Variants in LONP2 observed in about 807,000 individuals in gnomAD.
LONP2 encodes lon peptidase 2, peroxisomal.
A neutral mutation model predicts 85.6 loss-of-function variants in LONP2; 60 were observed. That is an observed-to-expected ratio of 0.70 (90% CI 0.57 to 0.87). LONP2 has a LOEUF of 0.87. Among genes scored for constraint, LONP2 ranks in the 40% least tolerant of loss-of-function variants. The probability of loss-of-function intolerance (pLI) is 0.00; values close to 1 mark genes in which losing one functional copy is unlikely to be tolerated. For missense variants in LONP2, 860 were observed against 1,063.5 expected (o/e 0.81, Z 2.66); for synonymous variants, 395 against 389.7 (o/e 1.01, Z -0.16).
chr16:48,252,927 C>T (rs1971684608), intron 2 of LONP2, among the ~76,000 whole-genome samples: 1 of 152,028 alleles, frequency 6.6e-6, no homozygotes, highest in Admixed American at 6.6e-5. Flanking sequence ...GCTCCTATTC[C>T]CACCCCATTT....
chr16:48,335,172 TG>T (rs1959606273), intron 12 of LONP2, among the ~76,000 whole-genome samples: 1 of 152,198 alleles, frequency 6.6e-6, no homozygotes, highest in Non-Finnish European at 1.5e-5. Context: ...TATTCTTATG[TG>T]TACTTTAAGG....
chr16:48,342,090 T>C (rs529749496), intron 12 of LONP2, among the ~76,000 whole-genome samples: 2 of 152,302 alleles, frequency 1.3e-5, no homozygotes, highest in South Asian at 2.1e-4. Context: ...AAAGGACCAA[T>C]ATACCTGGTT....
intron 8 of LONP2, among the ~76,000 whole-genome samples, chr16:48,293,935 G>A (rs1205873402): frequency 6.6e-6 from 1 of 152,084 alleles, no homozygotes; most frequent in African/African-American, 2.4e-5. Flanking sequence ...CAGTTTGTTT[G>A]TTCATTTGTT....
In LONP2 at chr16:48,356,137, A is replaced by C. The variant is rs1960341746; in HGVS notation, c.*4335A>C. On this transcript the variant is annotated 3_prime_UTR_variant, in exon 15 of 15. Transcript: ENST00000285737. ...TGTCATCTTTGTGATTGTTCCTGAA[A>C]TAGTTCACGAGAAATCCATGACCGT... 2 of 152,180 alleles carry C rather than the reference A, an allele frequency of 1.3e-5. No individual in the cohort carries two copies. Among genetic ancestry groups the C allele is most frequent in the Non-Finnish European group, 2.9e-5 (2 of 68,046 alleles). 9.4% of individuals were successfully genotyped at this position (152,180 alleles called of 1,614,324 possible).
chr16:48,309,912 G>C (rs979437740), intron 11 of LONP2, among the ~76,000 whole-genome samples: 2 of 152,010 alleles, frequency 1.3e-5, no homozygotes, highest in African/African-American at 2.4e-5. Context: ...CAGTGTTGAA[G>C]TCCCACATTT....
At chr16:48,347,973 C>T in intron 13 of LONP2, 127 bp from the exon 14 acceptor site, 1 of 876,148 alleles carries the variant, frequency 1.1e-6, no homozygotes, top group South Asian at 1.7e-5. Flanking sequence ...CCAAATTGTA[C>T]TGTCCACCAA....
Position 48,351,888 on chromosome 16 carries a change from A to G in LONP2, c.*86A>G. The stretch of plus-strand genomic sequence containing the variant: ...TGATTTTATTCACACCATTAGGGGT[A>G]TGCAAGATGTCCCTGTTTTATAAAC... On this transcript the variant is annotated 3_prime_UTR_variant, in exon 15 of 15. Transcript: ENST00000285737. 2 of 978,026 alleles carry G rather than the reference A, an allele frequency of 2.0e-6. No homozygotes were observed. The highest frequency in any genetic ancestry group is 3.1e-6 in the Non-Finnish European group (2 of 642,560). The allele number at this position is 978,026 out of a possible 1,614,324, so 60.6% of individuals were successfully genotyped here.
intron 11 of LONP2, among the ~76,000 whole-genome samples, chr16:48,309,006 A>G (rs992919439): frequency 1.7e-4 from 26 of 152,176 alleles, no homozygotes; most frequent in African/African-American, 6.0e-4. Context: ...GATGAAAGAC[A>G]TTTTTCAAAA....
chr16:48,317,264 G>A (rs941146920), intron 11 of LONP2, among the ~76,000 whole-genome samples: 4 of 152,154 alleles, frequency 2.6e-5, no homozygotes, highest in Non-Finnish European at 4.4e-5. Flanking sequence ...GGATTTAAGT[G>A]CAGATTTTTG....
downstream of LONP2, chr16:48,362,101 G>A: frequency 6.2e-7 from 1 of 1,614,186 alleles, no homozygotes. This position sits in a 1 kb window ranked among gnomAD's most constrained non-coding sequence, Gnocchi z 4.2. Flanking sequence ...TCTGTGTGTG[G>A]CAGAGTTATT....
chr16:48,313,795 A>G (rs897604645), intron 11 of LONP2, among the ~76,000 whole-genome samples: 1 of 151,244 alleles, frequency 6.6e-6, no homozygotes, highest in African/African-American at 2.4e-5. Context: ...ATATATATAA[A>G]TCATTCTGTT....
chr16:48,264,445 C>T (rs2150971840), intron 6 of LONP2, among the ~76,000 whole-genome samples: 1 of 152,288 alleles, frequency 6.6e-6, no homozygotes, highest in African/African-American at 2.4e-5. Flanking sequence ...CTCTGTTCTG[C>T]CCGGCTCACC....
intron 9 of LONP2, among the ~76,000 whole-genome samples, chr16:48,298,686 A>C (rs2150998411): frequency 6.7e-6 from 1 of 149,024 alleles, no homozygotes; most frequent in East Asian, 2.0e-4. Flanking sequence ...GTATAGATCA[A>C]ATTAGGCTAA....
chr16:48,362,574 G>T lies in LONP2; in HGVS notation c.*711G>T, dbSNP rs1354904775. ...GAGGAAGAAAAATAGGATTAAAAAA[G>T]ATATTAAAAAAATAAAATTACACTG... On this transcript the variant is annotated 3_prime_UTR_variant, in exon 5 of 5. Coordinates refer to the LONP2 transcript ENST00000565867. The surrounding 1 kb of genome is among the most constrained non-coding windows in gnomAD (Gnocchi z 4.2). The T allele has an allele frequency of 7.6e-6, 6 of 788,154 alleles. No homozygotes were observed. The highest frequency in any genetic ancestry group is 1.2e-5 in the Non-Finnish European group (6 of 497,900). The allele number at this position is 788,154 out of a possible 1,614,324, so 48.8% of individuals were successfully genotyped here. A position where few individuals can be genotyped will look rare whatever the true frequency, so the allele number is the denominator to read the frequency against.
chr16:48,276,621 A>G (rs191426418), intron 7 of LONP2, among the ~76,000 whole-genome samples: 39 of 152,338 alleles, frequency 2.6e-4, no homozygotes, highest in Admixed American at 2.5e-3. Context: ...TTGTCCAAAT[A>G]CAATAAAGCA....
intron 6 of LONP2, among the ~76,000 whole-genome samples, chr16:48,266,530 C>G (rs1243482414): frequency 6.6e-6 from 1 of 152,098 alleles, no homozygotes; most frequent in African/African-American, 2.4e-5. Flanking sequence ...CCCCTTTCCT[C>G]CTTGCCTCCT....
rs762542487 is a variant in LONP2, at chr16:48,303,190, G to A, written c.1680G>A (p.Gly560=). The A allele has an allele frequency of 1.2e-5, 19 of 1,613,972 alleles. No homozygotes were observed. The highest frequency in any genetic ancestry group is 1.6e-5 in the Non-Finnish European group (19 of 1,180,002). ...ATGACAGGTATACCAGAGAGGCAGG[G>A]GTTCGTTCTCTGGATAGAAAACTTG... ...DIITRYTREA[G]VRSLDRKLGA... is the part of the protein sequence containing the mutation. The change falls in exon 11 of 15, where the codon GGG becomes GGA. Residue 560 remains glycine (G), a synonymous_variant. Coordinates refer to ENST00000285737, the MANE Select transcript of LONP2 (RefSeq NM_031490.5).
At chr16:48,251,274 T>C (rs1971641331) in intron 1 of LONP2, among the ~76,000 whole-genome samples, 1 of 152,256 alleles carries the variant, frequency 6.6e-6, no homozygotes, top group Admixed American at 6.5e-5. Flanking sequence ...ACTTTTCCTA[T>C]GGCTGAAGGG....
intron 7 of LONP2, 53 bp from the exon 8 acceptor site, chr16:48,277,285 C>T (rs777608603): frequency 1.0e-4 from 164 of 1,570,606 alleles, no homozygotes; most frequent in Non-Finnish European, 1.3e-4. Context: ...TGAATGGCGT[C>T]GCTCCTGCCT....
Sources: allele counts gnomAD v4.1 joint callset (sites outside exome capture counted in the v4.1 genomes callset), GRCh38; gene constraint gnomAD v4.1.1; non-coding constraint Gnocchi (gnomAD v3.1); transcripts MANE v1.5; gene names NCBI Gene and HGNC (gene_info 2026-07-23, HGNC 2026-07-21).